The following ARHGAP8 variants were observed in gnomAD, a reference collection of about 807,000 sequenced individuals.
The protein encoded by ARHGAP8 is rho GTPase-activating protein 8.
Under a neutral mutation model 46.1 loss-of-function variants are expected in ARHGAP8, and 62 were observed. That is an observed-to-expected ratio of 1.34 (90% CI 1.10 to 1.66). ARHGAP8 has a LOEUF of 1.66. Among genes scored for constraint, ARHGAP8 ranks in the 40% most tolerant of loss-of-function variants. ARHGAP8 has a pLI of 0.00. For missense variants in ARHGAP8, 923 were observed against 568.4 expected, an observed-to-expected ratio of 1.62 and a Z score of -6.34; for synonymous variants, 375 against 243.1, an observed-to-expected ratio of 1.54 and a Z score of -5.05.
At chr22:44,811,127 C>G (rs751696467) in intron 4 of ARHGAP8, among the ~76,000 whole-genome samples, 1 of 152,216 alleles carries the variant, frequency 6.6e-6, no homozygotes, top group Non-Finnish European at 1.5e-5. Context: ...CTTTCCCTTC[C>G]CTTTCTCGAG....
At chr22:44,837,611 C>T (rs1193452006) in intron 7 of ARHGAP8, among the ~76,000 whole-genome samples, 3 of 152,204 alleles carry the variant, frequency 2.0e-5, no homozygotes, top group Non-Finnish European at 4.4e-5. Flanking sequence ...AGCACATCTG[C>T]CAACCAGAGT....
intron 1 of ARHGAP8, among the ~76,000 whole-genome samples, chr22:44,782,254 T>A (rs908478379): frequency 2.0e-5 from 3 of 152,100 alleles, no homozygotes; most frequent in African/African-American, 7.2e-5. Context: ...GGAGAATCGC[T>A]TGAACCGGAG....
At position 44,773,084 on chromosome 22, in the gene ARHGAP8, G is replaced by A. The variant is rs1470508817; in HGVS notation, c.-71-13373G>A. ...TCCTGCTTTGGCCTCCCAAAGTGCT[G>A]GGATTATAGGTGCAAGCCACCAAGC... On this transcript the variant is annotated intron_variant, in intron 1 of 11. Coordinates refer to ENST00000356099, the MANE Select transcript of ARHGAP8 (RefSeq NM_181335.3). 6.6e-5 allele frequency among the ~76,000 whole-genome samples: 10 copies of A among 151,996 alleles called. No individual in the cohort carries two copies. The East Asian group carries it at 1.9e-3, about 29-fold the overall frequency.
chr22:44,811,003 C>G (rs1032822663), intron 4 of ARHGAP8, among the ~76,000 whole-genome samples: 1 of 152,190 alleles, frequency 6.6e-6, no homozygotes, highest in Non-Finnish European at 1.5e-5. Flanking sequence ...TTGCCCTCTG[C>G]ACTTCCCCAC....
intron 1 of ARHGAP8, among the ~76,000 whole-genome samples, chr22:44,784,446 A>C (rs936823814): frequency 2.0e-5 from 3 of 152,200 alleles, no homozygotes; most frequent in African/African-American, 7.2e-5. Context: ...AATTCCTTAC[A>C]TAGCATTTAC....
At chr22:44,840,682 C>T (rs1931591476) in intron 7 of ARHGAP8, among the ~76,000 whole-genome samples, 1 of 145,446 alleles carries the variant, frequency 6.9e-6, no homozygotes, top group African/African-American at 2.6e-5. Flanking sequence ...TCTGTGTGGC[C>T]TGGTTGGAAT....
intron 11 of ARHGAP8, among the ~76,000 whole-genome samples, chr22:44,861,017 ATTT>A (rs1270199209): frequency 2.1e-4 from 32 of 152,000 alleles, no homozygotes; most frequent in African/African-American, 5.8e-4. Context: ...TCTCAAAAAA[ATTT>A]TTTGAGACAG....
chr22:44,774,046 T>C (rs1191592834), intron 1 of ARHGAP8, among the ~76,000 whole-genome samples: 1 of 152,194 alleles, frequency 6.6e-6, no homozygotes, highest in Non-Finnish European at 1.5e-5. Flanking sequence ...TGTCTATATT[T>C]TATAAACTAA....
intron 5 of ARHGAP8, among the ~76,000 whole-genome samples, 155 bp downstream of exon 5, chr22:44,814,913 G>T (rs560699027): frequency 1.9e-3 from 287 of 152,242 alleles, no homozygotes; most frequent in African/African-American, 6.7e-3. Flanking sequence ...TCTGCGGGGG[G>T]TCACAAGGCC....
At chr22:44,852,224 G>GAGGA (rs1474737343) in intron 10 of ARHGAP8, among the ~76,000 whole-genome samples, 1 of 150,010 alleles carries the variant, frequency 6.7e-6, no homozygotes, top group African/African-American at 2.5e-5. Flanking sequence ...AAAAGGAAGG[G>GAGGA]AGGAAGGAAG....
At chr22:44,810,548 T>TA (rs1224341654) in intron 4 of ARHGAP8, among the ~76,000 whole-genome samples, 3 of 152,200 alleles carry the variant, frequency 2.0e-5, no homozygotes, top group Non-Finnish European at 2.9e-5. Context: ...CCGGCAGGCT[T>TA]TTATTAAGCG....
rs540805867 is a variant in ARHGAP8 at position 44,814,907 on chromosome 22, C to G, written c.386+149C>G. The G allele has an allele frequency of 4.5e-6, 4 of 890,676 alleles. No individual in the cohort carries two copies. In the African/African-American group the frequency reaches 6.8e-5, roughly 15 times the overall value. 55.2% of individuals were successfully genotyped at this position (890,676 alleles called of 1,614,324 possible). A position where few individuals can be genotyped will look rare whatever the true frequency, so the allele number is the denominator to read the frequency against. ...GGCTCCCTACCCGCCCTGGGGTCTG[C>G]GGGGGGTCACAAGGCCAGCCCAGGT... On this transcript the variant is annotated intron_variant, in intron 5 of 11. Transcript: ENST00000356099.
intron 1 of ARHGAP8, among the ~76,000 whole-genome samples, chr22:44,763,428 C>T (rs1925294949): frequency 7.3e-6 from 1 of 136,758 alleles, no homozygotes; most frequent in African/African-American, 2.8e-5. Flanking sequence ...ACCTGGGAGG[C>T]AGAGGTTGCA....
intron 8 of ARHGAP8, among the ~76,000 whole-genome samples, chr22:44,847,128 G>A (rs558507267): frequency 6.6e-6 from 1 of 152,336 alleles, no homozygotes; most frequent in Non-Finnish European, 1.5e-5. Flanking sequence ...CTAGGTCCTG[G>A]TGTTCCGGGG....
intron 7 of ARHGAP8, among the ~76,000 whole-genome samples, chr22:44,839,642 C>G (rs1931522816): frequency 6.6e-6 from 1 of 152,188 alleles, no homozygotes; most frequent in South Asian, 2.1e-4. Context: ...CTCCTAGTGT[C>G]GTCCTCTGAT....
At chr22:44,830,021 TC>T (rs1930826733) in intron 7 of ARHGAP8, among the ~76,000 whole-genome samples, 1 of 116,556 alleles carries the variant, frequency 8.6e-6, no homozygotes, top group Non-Finnish European at 1.7e-5. Flanking sequence ...TTTTCCTCTC[TC>T]TCTTTTTTTT....
At chr22:44,840,842 T>TG (rs766475251) in intron 7 of ARHGAP8, among the ~76,000 whole-genome samples, 53 of 152,232 alleles carry the variant, frequency 3.5e-4, no homozygotes, top group Non-Finnish European at 7.1e-4. Flanking sequence ...GGAAGCTCCC[T>TG]GGGGTCGCTT....
chr22:44,860,638 TAC>T (rs3087007), intron 11 of ARHGAP8, among the ~76,000 whole-genome samples: 103,274 of 151,782 alleles, frequency 0.68, 35,403 homozygotes, highest in East Asian at 0.84. Context: ...TTCAATCTAC[TAC>T]ACACCAGGCT....
At chr22:44,823,841 T>C (rs1930323493) in intron 6 of ARHGAP8, among the ~76,000 whole-genome samples, 1 of 152,042 alleles carries the variant, frequency 6.6e-6, no homozygotes, top group Non-Finnish European at 1.5e-5. Flanking sequence ...GCCTCTGGAA[T>C]GTGCAGGTGG....
Sources: allele counts gnomAD v4.1 joint callset (sites outside exome capture counted in the v4.1 genomes callset), GRCh38; gene constraint gnomAD v4.1.1; transcripts MANE v1.5; gene names NCBI Gene and HGNC (gene_info 2026-07-23, HGNC 2026-07-21).